Variants in JAKMIP3 observed in about 807,000 individuals in gnomAD.
JAKMIP3 encodes janus kinase and microtubule-interacting protein 3.
In JAKMIP3, 58 loss-of-function variants were observed where a neutral mutation model predicts 118.5. The observed-to-expected ratio is 0.49, with a 90% confidence interval of 0.40 to 0.61. The LOEUF is 0.61. Ranked by LOEUF, JAKMIP3 falls within the 20% of genes least tolerant of loss-of-function variation. JAKMIP3 has a pLI of 0.00. For missense variants in JAKMIP3, 950 were observed against 1,109.0 expected (o/e 0.86, Z 2.04); for synonymous variants, 486 against 451.2 (o/e 1.08, Z -0.98).
rs534290320 is a variant in JAKMIP3, at chr10:132,116,071, A to G, written c.136-1006A>G. Reference sequence around the variant, plus strand: ...AGCGTGTCCTCCCTTAACCCCAGACAGGCCCTTGCTGGGCTATTTTGCTTC... The same window carrying G: ...AGCGTGTCCTCCCTTAACCCCAGACGGGCCCTTGCTGGGCTATTTTGCTTC... On this transcript the variant is annotated intron_variant, in intron 2 of 23. Transcript: ENST00000684848. Among the ~76,000 whole-genome samples, 27 of 152,396 alleles carry G rather than the reference A, an allele frequency of 1.8e-4. No individual in the cohort carries two copies. In the South Asian group the frequency reaches 5.6e-3, roughly 32 times the overall value.
chr10:132,139,923 C>T (rs1376706453), intron 9 of JAKMIP3, among the ~76,000 whole-genome samples: 2 of 152,094 alleles, frequency 1.3e-5, no homozygotes, highest in Non-Finnish European at 2.9e-5. Context: ...AGTCCCTCTT[C>T]GATTCTTGAA....
At chr10:132,080,865 A>G (rs1429664064) in intron 1 of JAKMIP3, among the ~76,000 whole-genome samples, 2 of 152,084 alleles carry the variant, frequency 1.3e-5, no homozygotes, top group African/African-American at 2.4e-5. Context: ...ACCCCTTATG[A>G]GATAGGATTT....
At chr10:132,103,631 T>C (rs989610472) in intron 1 of JAKMIP3, among the ~76,000 whole-genome samples, 15 of 152,064 alleles carry the variant, frequency 9.9e-5, no homozygotes, top group African/African-American at 3.4e-4. Context: ...GCAGCTTCCC[T>C]GGGGTTGAAC....
chr10:132,126,100 A>G (rs927179412), intron 3 of JAKMIP3, among the ~76,000 whole-genome samples: 17 of 151,866 alleles, frequency 1.1e-4, no homozygotes, highest in African/African-American at 3.9e-4. Flanking sequence ...CCAAGCTCAT[A>G]CCTTTTGTTT....
chr10:132,110,223 C>T (rs886848920), intron 2 of JAKMIP3, among the ~76,000 whole-genome samples: 5 of 152,242 alleles, frequency 3.3e-5, no homozygotes, highest in Non-Finnish European at 7.3e-5. Context: ...GGAATCCAGC[C>T]GTGCTCTGGA....
chr10:132,129,947 A>C (rs2050265499), intron 3 of JAKMIP3, among the ~76,000 whole-genome samples: 2 of 141,504 alleles, frequency 1.4e-5, no homozygotes, highest in East Asian at 2.1e-4. Flanking sequence ...CTTGGGAACC[A>C]CCTTCTCATG....
intron 1 of JAKMIP3, among the ~76,000 whole-genome samples, chr10:132,082,609 GTTTC>G (rs1159867909): frequency 1.1e-4 from 16 of 151,834 alleles, no homozygotes; most frequent in African/African-American, 3.4e-4. Context: ...ATACACCACA[GTTTC>G]TTTCTTTTTT....
chr10:132,168,515 G>T lies in JAKMIP3; in HGVS notation c.*585G>T, dbSNP rs1377625587. On this transcript the variant is annotated 3_prime_UTR_variant, in exon 23 of 24. Coordinates refer to ENST00000684848, the MANE Select transcript of JAKMIP3 (RefSeq NM_001323087.2). ...TCCGATGCTGCAATATGTTGCTGGG[G>T]TCCTGAGCACCCGCTGGCCAACAGA... is the stretch of plus-strand genomic sequence containing the variant. 8.1e-6 allele frequency: 5 copies of T among 617,102 alleles called. No individual in the cohort carries two copies. Among genetic ancestry groups the T allele is most frequent in the South Asian group, 5.5e-5 (3 of 54,574 alleles). 38.2% of individuals were successfully genotyped at this position (617,102 alleles called of 1,614,324 possible). A position where few individuals can be genotyped will look rare whatever the true frequency, so the allele number is the denominator to read the frequency against.
At position 132,149,401 on chromosome 10, in the gene JAKMIP3, C is replaced by T. The variant is rs2055371828; in HGVS notation, c.1849-11C>T. 8 of 1,579,640 alleles carry T rather than the reference C, an allele frequency of 5.1e-6. No individual in the cohort carries two copies. The highest frequency in any genetic ancestry group is 6.9e-6 in the Non-Finnish European group (8 of 1,159,552). On this transcript the variant is annotated splice_polypyrimidine_tract_variant and intron_variant, in intron 14 of 23. Coordinates refer to ENST00000684848, the MANE Select transcript of JAKMIP3 (RefSeq NM_001323087.2). ...AGGGGAGCGGCTCACCCTTCTGTCC[C>T]TCTGTCCTAGGAGAGGGAGAGGAAG...
intron 23 of JAKMIP3, among the ~76,000 whole-genome samples, chr10:132,169,365 G>A (rs1010931453): frequency 2.6e-5 from 4 of 152,162 alleles, no homozygotes; most frequent in Admixed American, 6.5e-5. Flanking sequence ...GCCGCTCTCC[G>A]AGTGCGCCTC....
At chr10:132,145,674 C>T (rs1001950839) in intron 13 of JAKMIP3, 94 bp downstream of exon 13, 2 of 1,048,278 alleles carry the variant, frequency 1.9e-6, no homozygotes, top group Non-Finnish European at 2.8e-6. Context: ...GGAGCGAGGG[C>T]TGAGGCTTCT....
rs1448438535 is a variant in JAKMIP3 at position 132,104,743 on chromosome 10, C to T, written c.-66C>T. 6 of 1,511,494 alleles carry T rather than the reference C, an allele frequency of 4.0e-6. No homozygotes were observed. The African/African-American group carries it at 4.2e-5, about 10-fold the overall frequency. The allele number at this position is 1,511,494 out of a possible 1,614,324, so 93.6% of individuals were successfully genotyped here. On this transcript the variant is annotated 5_prime_UTR_variant, in exon 2 of 24. Coordinates refer to ENST00000684848, the MANE Select transcript of JAKMIP3 (RefSeq NM_001323087.2). Reference sequence around the variant, plus strand: ...GGGAGCTTGGCGTGGACACCCCAGCCACCCCCAGCCCAGCCCAGCCGGAGC... The same window carrying T: ...GGGAGCTTGGCGTGGACACCCCAGCTACCCCCAGCCCAGCCCAGCCGGAGC...
At chr10:132,129,064 T>C (rs2637640) in intron 3 of JAKMIP3, among the ~76,000 whole-genome samples, 119,566 of 152,082 alleles carry the variant, frequency 0.79, 48,036 homozygotes, top group East Asian at 0.99. Context: ...GGTGATGTGT[T>C]GTGAGGCTGC....
At chr10:132,056,328 G>A (rs530902446) in intron 1 of JAKMIP3, among the ~76,000 whole-genome samples, 4 of 152,128 alleles carry the variant, frequency 2.6e-5, no homozygotes, top group Non-Finnish European at 4.4e-5. Context: ...TGTTGTCCAC[G>A]TTGAATTGGT....
In JAKMIP3 at chr10:132,118,021, A is replaced by T. The variant is rs905250002; in HGVS notation, c.633+447A>T. ...GAGTCCCACACATCCTCACGGGGGG[A>T]CTCAGAGGGAATTCTCCAGTGATTC... On this transcript the variant is annotated intron_variant, in intron 3 of 23. Transcript: ENST00000684848. The surrounding 1 kb of genome is among the most constrained non-coding windows in gnomAD (Gnocchi z 4.8). Among the ~76,000 whole-genome samples, 2 of 151,760 alleles carry T rather than the reference A, an allele frequency of 1.3e-5. No homozygotes were observed. Among genetic ancestry groups the T allele is most frequent in the Non-Finnish European group, 2.9e-5 (2 of 67,944 alleles).
chr10:132,164,708 G>A lies in JAKMIP3; in HGVS notation c.2463G>A (p.Lys821=), dbSNP rs934970124. 10 of 1,603,758 alleles carry A rather than the reference G, an allele frequency of 6.2e-6. No individual in the cohort carries two copies. In the African/African-American group the frequency reaches 1.3e-4, roughly 21 times the overall value. Residue 821 remains lysine, a synonymous_variant, in exon 21 of 24, where the codon AAG becomes AAA. Transcript: ENST00000684848. ...TAGAAGAAAGAATAGAAGCTCAGAA[G>A]AGACAAATAAAGGAACTGGAGGAAA... The part of the protein sequence containing the change: ...KELEERIEAQ[K]RQIKELEEKF...
intron 9 of JAKMIP3, among the ~76,000 whole-genome samples, chr10:132,138,940 T>G (rs572425508): frequency 2.0e-5 from 3 of 152,258 alleles, no homozygotes; most frequent in Non-Finnish European, 2.9e-5. Context: ...TGTGAACACC[T>G]GTCATCATTT....
At chr10:132,131,912 C>A (rs1306961336) in intron 3 of JAKMIP3, among the ~76,000 whole-genome samples, 1 of 152,152 alleles carries the variant, frequency 6.6e-6, no homozygotes, top group Non-Finnish European at 1.5e-5. Context: ...GGGAAGCCCC[C>A]GAATCCTGCC....
In JAKMIP3 at chr10:132,137,235, T is replaced by C. The variant is rs771259494; in HGVS notation, c.1249-19T>C. ...AGGGACCCTGAGCAATTCCGTAACA[T>C]GCTGTCTTCCTTTCCTAGACCCTTG... On this transcript the variant is annotated intron_variant, in intron 7 of 23. Coordinates refer to ENST00000684848, the MANE Select transcript of JAKMIP3 (RefSeq NM_001323087.2). 4 of 1,613,894 alleles carry C rather than the reference T, an allele frequency of 2.5e-6. No individual in the cohort carries two copies. Among genetic ancestry groups the C allele is most frequent in the Middle Eastern group, 1.6e-4 (1 of 6,062 alleles).
Sources: allele counts gnomAD v4.1 joint callset (sites outside exome capture counted in the v4.1 genomes callset), GRCh38; gene constraint gnomAD v4.1.1; non-coding constraint Gnocchi (gnomAD v3.1); transcripts MANE v1.5; gene names NCBI Gene and HGNC (gene_info 2026-07-23, HGNC 2026-07-21).